FRMPD4: variants seen among roughly 807,000 people sequenced by gnomAD.
FRMPD4 encodes FERM and PDZ domain containing 4, also known as FERM and PDZ domain-containing protein 4.
In FRMPD4, 22 loss-of-function variants were observed where a neutral mutation model predicts 94.1. The ratio of observed to expected loss-of-function variants is 0.23; its 90% CI spans 0.17 to 0.33. The LOEUF is 0.33. Ranked by LOEUF, FRMPD4 falls within the 10% of genes least tolerant of loss-of-function variation. The pLI is 1.00. For missense variants in FRMPD4, 1,111 were observed against 1,339.9 expected, an observed-to-expected ratio of 0.83 and a Z score of 2.67; for synonymous variants, 631 against 548.6, an observed-to-expected ratio of 1.15 and a Z score of -2.10.
intron 3 of FRMPD4, among the ~76,000 whole-genome samples, chrX:12,044,312 T>C (rs1383045702): frequency 1.8e-5 from 2 of 112,432 alleles, no homozygotes; most frequent in Non-Finnish European, 3.8e-5. Flanking sequence ...TGTCAGTTCA[T>C]CCTGTGTCCT....
chrX:12,073,866 A>AT (rs67182206), intron 3 of FRMPD4, among the ~76,000 whole-genome samples: 7,852 of 111,278 alleles, frequency 0.071, 266 homozygotes, highest in East Asian at 0.24. Context: ...TCCATGTCCA[A>AT]CTCTCATTTT....
chrX:12,621,336 A>G (rs961759592), intron 4 of FRMPD4, among the ~76,000 whole-genome samples: 3 of 111,832 alleles, frequency 2.7e-5, no homozygotes, highest in Non-Finnish European at 5.6e-5. Context: ...CGAAGAATCA[A>G]GCAAACATGA....
chrX:12,285,538 C>T (rs964278567), intron 1 of FRMPD4, among the ~76,000 whole-genome samples: 3 of 111,002 alleles, frequency 2.7e-5, no homozygotes, highest in African/African-American at 9.8e-5. Context: ...GAAACTCAGG[C>T]AGGTAATTTG....
intron 1 of FRMPD4, among the ~76,000 whole-genome samples, chrX:12,455,423 G>GTGAT (rs2148145738): frequency 8.9e-6 from 1 of 111,844 alleles, no homozygotes; most frequent in South Asian, 3.8e-4. Context: ...GGAGACTCTG[G>GTGAT]TGATAGATTG....
chrX:11,973,875 A>G (rs2054353652), intron 3 of FRMPD4, among the ~76,000 whole-genome samples: 1 of 111,511 alleles, frequency 9.0e-6, no homozygotes, highest in Non-Finnish European at 1.9e-5. Context: ...GATTAGATTC[A>G]GCAGCTGTTG....
chrX:12,241,648 C>G (rs1385156218), intron 1 of FRMPD4, among the ~76,000 whole-genome samples: 1 of 111,514 alleles, frequency 9.0e-6, no homozygotes, highest in East Asian at 2.8e-4. Context: ...GCCTGTAAAC[C>G]CAGCACTTTG....
In FRMPD4 at chrX:12,044,787, T is replaced by G. The variant is rs192310527; in HGVS notation, c.95+166769T>G. 3.6e-5 allele frequency among the ~76,000 whole-genome samples: 4 copies of G among 112,395 alleles called. No individual in the cohort carries two copies. The Admixed American group carries it at 3.8e-4, about 11-fold the overall frequency. Reference sequence around the variant, plus strand: ...AGTTATGATCTCATGTATCATAGGCTCTCTGAATTTGCCTTAAGAAGCACA... The same window carrying G: ...AGTTATGATCTCATGTATCATAGGCGCTCTGAATTTGCCTTAAGAAGCACA... On this transcript the variant is annotated intron_variant, in intron 3 of 18. Transcript: ENST00000640291.
At chrX:12,400,396 A>G (rs2056594829) in intron 1 of FRMPD4, among the ~76,000 whole-genome samples, 1 of 112,095 alleles carries the variant, frequency 8.9e-6, no homozygotes, top group Non-Finnish European at 1.9e-5. Flanking sequence ...GCCTACAATT[A>G]CGGGAGGAGT....
intron 1 of FRMPD4, among the ~76,000 whole-genome samples, chrX:12,236,145 A>C (rs941676723): frequency 7.1e-5 from 8 of 112,100 alleles, no homozygotes; most frequent in Non-Finnish European, 1.5e-4. Context: ...TAGGACTGAG[A>C]CATCTTCTGT....
chrX:12,373,669 C>G (rs2056192847), intron 1 of FRMPD4, among the ~76,000 whole-genome samples: 1 of 112,004 alleles, frequency 8.9e-6, no homozygotes, highest in Non-Finnish European at 1.9e-5. Context: ...TAATCCAAAG[C>G]CCAAACTGTG....
chrX:12,522,151 C>CT (rs1187813168), intron 2 of FRMPD4, among the ~76,000 whole-genome samples: 2 of 110,903 alleles, frequency 1.8e-5, no homozygotes, highest in Non-Finnish European at 3.8e-5. Context: ...TCAAACTAGC[C>CT]TGTGGTGCAC....
At chrX:11,989,796 A>T (rs1348778740) in intron 3 of FRMPD4, among the ~76,000 whole-genome samples, 1 of 111,608 alleles carries the variant, frequency 9.0e-6, no homozygotes, top group Non-Finnish European at 1.9e-5. Context: ...TAAAAATTAA[A>T]ACATATATAA....
intron 1 of FRMPD4, among the ~76,000 whole-genome samples, chrX:12,382,599 A>G (rs961830734): frequency 9.4e-6 from 1 of 106,737 alleles, no homozygotes; most frequent in East Asian, 2.9e-4. Flanking sequence ...TGTTTGCTGA[A>G]AAAAAGCAAA....
chrX:12,232,760 G>A (rs2057784389), intron 1 of FRMPD4, among the ~76,000 whole-genome samples: 1 of 111,875 alleles, frequency 8.9e-6, no homozygotes, highest in Admixed American at 9.5e-5. Flanking sequence ...AGAGGTAGCA[G>A]TATTTATACT....
At chrX:11,831,071 T>C (rs2053472014) in intron 1 of FRMPD4, among the ~76,000 whole-genome samples, 1 of 110,013 alleles carries the variant, frequency 9.1e-6, no homozygotes, top group South Asian at 4.0e-4. Context: ...ACATACTATC[T>C]AGTGATACTG....
intron 1 of FRMPD4, among the ~76,000 whole-genome samples, chrX:12,277,037 C>G (rs1181740967): frequency 2.0e-5 from 2 of 100,409 alleles, no homozygotes; most frequent in Non-Finnish European, 4.0e-5. Flanking sequence ...AGGAGAATGG[C>G]GTGAACCCGG....
At chrX:12,620,395 AC>A (rs1296848185) in intron 4 of FRMPD4, among the ~76,000 whole-genome samples, 2 of 111,657 alleles carry the variant, frequency 1.8e-5, no homozygotes, top group Non-Finnish European at 3.8e-5. Flanking sequence ...TAGCCCTATG[AC>A]TCATTTCCAG....
intron 8 of FRMPD4, among the ~76,000 whole-genome samples, chrX:12,692,247 T>G (rs926573453): frequency 1.8e-5 from 2 of 112,217 alleles, no homozygotes; most frequent in Non-Finnish European, 3.8e-5. Flanking sequence ...TCTTTAACTT[T>G]ATTTTTCCTT....
chrX:12,154,834 C>T (rs1474774838), intron 1 of FRMPD4, among the ~76,000 whole-genome samples: 1 of 112,485 alleles, frequency 8.9e-6, no homozygotes, highest in African/African-American at 3.2e-5. Context: ...TGTTTTCTCT[C>T]TTCCTGCTCC....
Sources: gnomAD v4.1 joint callset for allele counts (sites outside exome capture counted in the v4.1 genomes callset) on GRCh38, gnomAD v4.1.1 for gene constraint, MANE v1.5 for transcripts, NCBI Gene and HGNC (gene_info 2026-07-23, HGNC 2026-07-21) for gene names.